The following TRIO variants were observed in gnomAD, a reference collection of about 807,000 sequenced individuals.
TRIO encodes triple functional domain protein.
In TRIO, 58 loss-of-function variants were observed where a neutral mutation model predicts 351.9. The observed-to-expected ratio is 0.16, with a 90% CI of 0.13 to 0.21. TRIO has a LOEUF of 0.21. Among genes scored for constraint, TRIO ranks in the 10% least tolerant of loss-of-function variants. TRIO has a pLI of 1.00. For synonymous variants in TRIO, 1,758 were observed against 1,595.7 expected, an observed-to-expected ratio of 1.10 and a Z score of -2.42; for missense variants, 3,201 against 4,027.8, an observed-to-expected ratio of 0.79 and a Z score of 5.56.
chr5:14,302,309 T>C (rs1300580378), intron 7 of TRIO, among the ~76,000 whole-genome samples: 1 of 152,242 alleles, frequency 6.6e-6, no homozygotes, highest in Non-Finnish European at 1.5e-5. Context: ...TTGCAACTCC[T>C]CTTGGTTTTG....
intron 1 of TRIO, among the ~76,000 whole-genome samples, chr5:14,215,012 T>C (rs1028728985): frequency 2.0e-5 from 3 of 152,248 alleles, no homozygotes; most frequent in African/African-American, 7.2e-5. Context: ...GTATGAAAAG[T>C]AAATCTTTTC....
intron 1 of TRIO, among the ~76,000 whole-genome samples, chr5:14,197,662 A>G (rs1581329136): frequency 1.3e-5 from 2 of 152,202 alleles, no homozygotes; most frequent in African/African-American, 4.8e-5. Flanking sequence ...GTTTGCTAGC[A>G]AAAGACATGA....
intron 1 of TRIO, among the ~76,000 whole-genome samples, chr5:14,230,336 A>ATATGTGTG (rs1793325756): frequency 8.6e-6 from 1 of 115,834 alleles, no homozygotes; most frequent in African/African-American, 4.1e-5. Context: ...GTCAGGCAAG[A>ATATGTGTG]TGTTTGTGTG....
At chr5:14,436,116 C>T (rs1751570627) in intron 34 of TRIO, among the ~76,000 whole-genome samples, 1 of 152,192 alleles carries the variant, frequency 6.6e-6, no homozygotes, top group Admixed American at 6.5e-5. Context: ...TCTGTTTTCA[C>T]ACTGCTGAGA....
intron 18 of TRIO, among the ~76,000 whole-genome samples, chr5:14,371,218 ATTTTTGACTTACGATT>A (rs1197909847): frequency 6.6e-6 from 1 of 152,218 alleles, no homozygotes; most frequent in Non-Finnish European, 1.5e-5. Context: ...CAATAAACTC[ATTTTTGACTTACGATT>A]TTTTTGACTT....
chr5:14,181,593 A>T (rs1465582350), intron 1 of TRIO, among the ~76,000 whole-genome samples: 1 of 152,140 alleles, frequency 6.6e-6, no homozygotes, highest in Non-Finnish European at 1.5e-5. Context: ...GGCACGTGGG[A>T]CCACTCACAC....
At chr5:14,388,979 C>T (rs1394690022) in intron 24 of TRIO, among the ~76,000 whole-genome samples, 7 of 152,108 alleles carry the variant, frequency 4.6e-5, no homozygotes, top group Admixed American at 3.9e-4. Context: ...GAGAAATGTG[C>T]CTACTAATTA....
intron 11 of TRIO, among the ~76,000 whole-genome samples, chr5:14,343,745 C>T (rs893602208): frequency 8.5e-5 from 13 of 152,188 alleles, no homozygotes; most frequent in Non-Finnish European, 4.4e-5. Context: ...TAGGTTTTTG[C>T]GTGAACATGG....
chr5:14,162,469 A>G (rs1047271865), intron 1 of TRIO, among the ~76,000 whole-genome samples: 6 of 152,232 alleles, frequency 3.9e-5, no homozygotes, highest in Admixed American at 1.3e-4. Flanking sequence ...TCTTTTACCT[A>G]TAAAAATGGC....
At chr5:14,339,422 A>C (rs1482333630) in intron 11 of TRIO, among the ~76,000 whole-genome samples, 2 of 152,226 alleles carry the variant, frequency 1.3e-5, no homozygotes, top group Non-Finnish European at 2.9e-5. Flanking sequence ...TGACTTACAC[A>C]ATAGGAATTT....
At chr5:14,312,741 A>T (rs935729910) in intron 8 of TRIO, among the ~76,000 whole-genome samples, 1 of 152,254 alleles carries the variant, frequency 6.6e-6, no homozygotes, top group Admixed American at 6.5e-5. Flanking sequence ...ACTACATGCC[A>T]TAAACTTACA....
intron 1 of TRIO, among the ~76,000 whole-genome samples, chr5:14,212,353 A>G (rs1453737478): frequency 6.6e-6 from 1 of 151,974 alleles, no homozygotes; most frequent in East Asian, 1.9e-4. Flanking sequence ...CTCTGATGTC[A>G]CACCCCAGTG....
At chr5:14,317,909 C>T (rs944031372) in intron 9 of TRIO, among the ~76,000 whole-genome samples, 1 of 151,894 alleles carries the variant, frequency 6.6e-6, no homozygotes, top group Non-Finnish European at 1.5e-5. Flanking sequence ...GGTGGATCAC[C>T]TGAGGTCAGG....
intron 29 of TRIO, among the ~76,000 whole-genome samples, chr5:14,397,755 T>C (rs1424729198): frequency 1.3e-5 from 2 of 152,172 alleles, no homozygotes; most frequent in Non-Finnish European, 2.9e-5. Context: ...CCTGTGTCTT[T>C]ATGGGTAACA....
intron 11 of TRIO, among the ~76,000 whole-genome samples, chr5:14,346,750 G>C (rs906089606): frequency 9.8e-5 from 15 of 152,342 alleles, no homozygotes; most frequent in Non-Finnish European, 1.9e-4. Flanking sequence ...TTAATTTGTA[G>C]ACAAGAAAGG....
chr5:14,467,314 A>C (rs1754332630), intron 37 of TRIO, among the ~76,000 whole-genome samples: 1 of 152,190 alleles, frequency 6.6e-6, no homozygotes, highest in Non-Finnish European at 1.5e-5. Context: ...TTCTTCCTTC[A>C]TCCACAGACA....
chr5:14,322,739 C>T (rs1385289476), intron 9 of TRIO, among the ~76,000 whole-genome samples: 2 of 152,150 alleles, frequency 1.3e-5, no homozygotes, highest in Admixed American at 6.5e-5. Context: ...ATCATATAGC[C>T]CTAGCTGTTT....
chr5:14,318,891 C>T (rs868424970), intron 9 of TRIO, among the ~76,000 whole-genome samples: 1 of 152,226 alleles, frequency 6.6e-6, no homozygotes, highest in Non-Finnish European at 1.5e-5. Flanking sequence ...ATTAACTCTT[C>T]CGAGGCAGCA....
At chr5:14,426,445 G>A (rs779805286) in intron 34 of TRIO, among the ~76,000 whole-genome samples, 9 of 152,220 alleles carry the variant, frequency 5.9e-5, no homozygotes, top group Admixed American at 2.6e-4. Context: ...TAGTTAGCAA[G>A]TATTTCCACA....
Sources: allele counts gnomAD v4.1 joint callset (sites outside exome capture counted in the v4.1 genomes callset), GRCh38; gene constraint gnomAD v4.1.1; transcripts MANE v1.5; gene names NCBI Gene and HGNC (gene_info 2026-07-23, HGNC 2026-07-21).